The following LMBRD1 variants were observed in gnomAD, a reference collection of about 807,000 sequenced individuals.
LMBRD1 encodes LMBR1 domain containing 1.
A neutral mutation model predicts 74.8 loss-of-function variants in LMBRD1; 64 were observed. That is an observed-to-expected ratio of 0.86 (90% CI 0.70 to 1.05). LMBRD1 has a LOEUF of 1.05. LMBRD1 is among the 50% of genes least tolerant of loss of function. The pLI, the probability that LMBRD1 is intolerant of heterozygous loss-of-function variation, is 0.00. For synonymous variants in LMBRD1, 204 were observed against 216.3 expected, an observed-to-expected ratio of 0.94 and a Z score of 0.50; for missense variants, 652 against 645.9, an observed-to-expected ratio of 1.01 and a Z score of -0.10.
At chr6:69,744,320 G>C (rs964018981) in intron 5 of LMBRD1, among the ~76,000 whole-genome samples, 1 of 152,274 alleles carries the variant, frequency 6.6e-6, no homozygotes, top group South Asian at 2.1e-4. Context: ...TACTAAGCTT[G>C]TGAGAGTTAT....
chr6:69,769,185 T>C (rs184123278), intron 3 of LMBRD1, among the ~76,000 whole-genome samples: 2 of 152,282 alleles, frequency 1.3e-5, no homozygotes, highest in African/African-American at 4.8e-5. Context: ...TCTGTGGCTC[T>C]ACTGATTTCT....
chr6:69,679,947 A>C (rs1243347365), intron 14 of LMBRD1, among the ~76,000 whole-genome samples: 1 of 152,184 alleles, frequency 6.6e-6, no homozygotes, highest in Non-Finnish European at 1.5e-5. Context: ...AAATGGTTGC[A>C]AGTCTTAAGA....
chr6:69,729,582 C>G (rs1766811486), intron 7 of LMBRD1, among the ~76,000 whole-genome samples: 1 of 151,858 alleles, frequency 6.6e-6, no homozygotes. Context: ...GAAGAGACAG[C>G]TCTTAATTCA....
chr6:69,684,271 A>ATACATACC (rs1411294257), intron 14 of LMBRD1, among the ~76,000 whole-genome samples: 3 of 152,114 alleles, frequency 2.0e-5, no homozygotes, highest in Admixed American at 1.3e-4. Context: ...ACAAAGCTGA[A>ATACATACC]TACATACCAA....
At chr6:69,769,747 T>C (rs1278317433) in intron 3 of LMBRD1, among the ~76,000 whole-genome samples, 1 of 151,826 alleles carries the variant, frequency 6.6e-6, no homozygotes, top group Non-Finnish European at 1.5e-5. Flanking sequence ...TTAGTGTTTT[T>C]TTTTTTTAAT....
rs966778061 is a variant in LMBRD1, at chr6:69,713,873, G to C, written c.763-76C>G. The C allele has an allele frequency of 2.7e-5, 42 of 1,541,156 alleles. No individual in the cohort carries two copies. The Admixed American group carries it at 4.8e-4, about 18-fold the overall frequency. On this transcript the variant is annotated intron_variant, in intron 8 of 15. Transcript: ENST00000649934. ...GTACCCAGCAGATTTAGCAGATCAGGCAACAAAACCTTTTCAGGATGGACA... is the reference window on the plus strand; with the variant it reads ...GTACCCAGCAGATTTAGCAGATCAGCCAACAAAACCTTTTCAGGATGGACA...
In LMBRD1 at chr6:69,790,302, TGTACC is replaced by T; in HGVS notation, c.235_239del (p.Gly79IlefsTer2). On this transcript the variant is annotated frameshift_variant, in exon 2 of 16. Coordinates refer to ENST00000649934, the MANE Select transcript of LMBRD1 (RefSeq NM_018368.4). LOFTEE classifies it high-confidence loss of function. The stretch of plus-strand genomic sequence containing the variant: ...AAAGTAAGATTATATTTACCTTAAA[TGTACC>T]ATTTTGATTTTTCATGTAAGAAACC... The T allele has an allele frequency of 6.2e-7, 1 of 1,604,950 alleles. No homozygotes were observed. The highest frequency in any genetic ancestry group is 8.5e-7 in the Non-Finnish European group (1 of 1,171,894).
chr6:69,690,678 C>T (rs753796074), intron 14 of LMBRD1, among the ~76,000 whole-genome samples: 3 of 152,040 alleles, frequency 2.0e-5, no homozygotes, highest in Admixed American at 6.6e-5. Context: ...GTAATGGATA[C>T]CACATTTGCC....
At chr6:69,786,165 T>A (rs1765940190) in intron 2 of LMBRD1, among the ~76,000 whole-genome samples, 1 of 152,214 alleles carries the variant, frequency 6.6e-6, no homozygotes, top group Admixed American at 6.5e-5. Flanking sequence ...TAATGATTAA[T>A]CTCCAGTACC....
At chr6:69,689,254 A>T (rs1468073850) in intron 14 of LMBRD1, among the ~76,000 whole-genome samples, 5 of 152,102 alleles carry the variant, frequency 3.3e-5, no homozygotes, top group Non-Finnish European at 7.4e-5. Flanking sequence ...AAATAAGAAA[A>T]GAAAGTTAAG....
At position 69,752,251 on chromosome 6, in the gene LMBRD1, ATACT is replaced by A. The variant is rs759893949; in HGVS notation, c.405+4_405+7del. On this transcript the variant is annotated splice_donor_5th_base_variant and intron_variant, in intron 4 of 15. Coordinates refer to ENST00000649934, the MANE Select transcript of LMBRD1 (RefSeq NM_018368.4). ...CTAAACTAAGGCCTCTAAAATAAAG[ATACT>A]TACAGTACATTTACTAGTATCATCA... The A allele has an allele frequency of 1.9e-6, 3 of 1,606,194 alleles. No individual in the cohort carries two copies. Among genetic ancestry groups the A allele is most frequent in the Non-Finnish European group, 2.6e-6 (3 of 1,173,976 alleles).
chr6:69,756,254 T>C (rs911902629), intron 3 of LMBRD1, among the ~76,000 whole-genome samples: 5 of 151,270 alleles, frequency 3.3e-5, no homozygotes, highest in African/African-American at 1.2e-4. Context: ...TCCCAGCTAC[T>C]CAGGAGGCTG....
At chr6:69,691,759 C>A (rs1328180135) in intron 14 of LMBRD1, among the ~76,000 whole-genome samples, 1 of 151,712 alleles carries the variant, frequency 6.6e-6, no homozygotes, top group Non-Finnish European at 1.5e-5. Context: ...GCCTGTAGTC[C>A]CAGCTACTCA....
chr6:69,694,381 C>T (rs905235885), intron 14 of LMBRD1, among the ~76,000 whole-genome samples: 2 of 152,116 alleles, frequency 1.3e-5, no homozygotes, highest in African/African-American at 4.8e-5. Context: ...CTGTTTTCAT[C>T]CAGCTAAATA....
At chr6:69,740,554 C>T (rs565477911) in intron 6 of LMBRD1, among the ~76,000 whole-genome samples, 2 of 152,230 alleles carry the variant, frequency 1.3e-5, no homozygotes, top group Admixed American at 1.3e-4. Flanking sequence ...CTTATTCTTG[C>T]TGGTATCAGC....
At chr6:69,743,560 C>A (rs1767153527) in intron 5 of LMBRD1, among the ~76,000 whole-genome samples, 1 of 152,148 alleles carries the variant, frequency 6.6e-6, no homozygotes. Context: ...ATCAGAATGA[C>A]TTCAGGAAAA....
At chr6:69,710,761 C>T (rs1055615983) in intron 9 of LMBRD1, among the ~76,000 whole-genome samples, 13 of 152,076 alleles carry the variant, frequency 8.5e-5, no homozygotes, top group African/African-American at 2.9e-4. Context: ...CAAAGCAAAA[C>T]TGTGAGATGC....
At chr6:69,697,473 T>C (rs1766027697) in intron 14 of LMBRD1, 90 bp downstream of exon 14, 3 of 897,088 alleles carry the variant, frequency 3.3e-6, no homozygotes, top group Middle Eastern at 2.2e-4. Context: ...TACCACGTAG[T>C]AAAACAAATG....
chr6:69,674,741 AC>A lies in LMBRD1; in HGVS notation c.*1416del, dbSNP rs1330754211. Among the ~76,000 whole-genome samples, 12 of 152,098 alleles carry A rather than the reference AC, an allele frequency of 7.9e-5. No individual in the cohort carries two copies. The highest frequency in any genetic ancestry group is 2.6e-4 in the Admixed American group (4 of 15,268). ...TGTAATCCCAGCACTTTGGGAGGCC[AC>A]TGTGGGTGGATCATGAGGTCAGGAG... On this transcript the variant is annotated 3_prime_UTR_variant, in exon 16 of 16. Coordinates refer to ENST00000649934, the MANE Select transcript of LMBRD1 (RefSeq NM_018368.4).
Sources: allele counts gnomAD v4.1 joint callset (sites outside exome capture counted in the v4.1 genomes callset), GRCh38; gene constraint gnomAD v4.1.1; transcripts MANE v1.5; gene names NCBI Gene and HGNC (gene_info 2026-07-23, HGNC 2026-07-21).